Variants in LMNTD1 observed in about 807,000 individuals in gnomAD.
LMNTD1 encodes lamin tail domain containing 1.
Under a neutral mutation model 50.9 loss-of-function variants are expected in LMNTD1, and 35 were observed. The observed-to-expected ratio is 0.69, with a 90% confidence interval of 0.53 to 0.91. LMNTD1 has a LOEUF of 0.91. Among genes scored for constraint, LMNTD1 ranks in the 40% least tolerant of loss-of-function variants. The probability of loss-of-function intolerance (pLI) is 0.00; values close to 1 mark genes in which losing one functional copy is unlikely to be tolerated. For missense variants in LMNTD1, 470 were observed against 475.5 expected, an observed-to-expected ratio of 0.99 and a Z score of 0.11; for synonymous variants, 153 against 161.9, an observed-to-expected ratio of 0.94 and a Z score of 0.42.
chr12:25,643,718 G>A (rs1243033664), intron 1 of LMNTD1, among the ~76,000 whole-genome samples: 1 of 152,168 alleles, frequency 6.6e-6, no homozygotes, highest in Non-Finnish European at 1.5e-5. Context: ...ATAAAATCAA[G>A]GTTCTGATGG....
In LMNTD1 at chr12:25,634,262, A is replaced by G. The variant is rs139576846; in HGVS notation, c.58+14232T>C. On this transcript the variant is annotated intron_variant, in intron 1 of 7. Transcript: ENST00000445693. ...AATTCTACCAGACAGACCTTCAAAG[A>G]AGAATTGGTACCAATCCTATTGACA... Among the ~76,000 whole-genome samples, 618 of 152,334 alleles carry G rather than the reference A, an allele frequency of 4.1e-3. 1 individual carries two copies. The highest frequency in any genetic ancestry group is 0.014 in the African/African-American group (578 of 41,580).
intron 1 of LMNTD1, among the ~76,000 whole-genome samples, chr12:25,643,796 G>T (rs924986096): frequency 4.6e-5 from 7 of 152,148 alleles, no homozygotes; most frequent in Non-Finnish European, 8.8e-5. Context: ...GTCAATGTTT[G>T]TTATCAAGTG....
At chr12:25,640,960 C>T (rs1946949876) in intron 1 of LMNTD1, among the ~76,000 whole-genome samples, 1 of 152,198 alleles carries the variant, frequency 6.6e-6, no homozygotes, top group Non-Finnish European at 1.5e-5. Context: ...AGCCACCGTG[C>T]CCAGCCAGAA....
At chr12:25,500,821 C>A (rs1939341961) in intron 9 of LMNTD1, among the ~76,000 whole-genome samples, 3 of 151,848 alleles carry the variant, frequency 2.0e-5, no homozygotes, top group African/African-American at 7.3e-5. Context: ...AGACACTGTT[C>A]ATTAGTCACA....
At chr12:25,493,724 G>C (rs1938967120) in intron 9 of LMNTD1, among the ~76,000 whole-genome samples, 1 of 152,164 alleles carries the variant, frequency 6.6e-6, no homozygotes, top group Non-Finnish European at 1.5e-5. Flanking sequence ...ATAATAATGG[G>C]TTTAAAATGG....
Position 25,573,091 on chromosome 12 carries a change from C to T in LMNTD1, c.59-26537G>A, listed in dbSNP as rs556689883. 5.9e-5 allele frequency among the ~76,000 whole-genome samples: 9 copies of T among 152,132 alleles called. No homozygotes were observed. In the South Asian group the frequency reaches 1.5e-3, roughly 25 times the overall value. ...TTCTTGTTTTTCTCCTCTAAATTCT[C>T]GTCCAACTCCCCGACCTCCTGTCTT... On this transcript the variant is annotated intron_variant, in intron 1 of 7. Coordinates refer to the LMNTD1 transcript ENST00000445693.
intron 1 of LMNTD1, among the ~76,000 whole-genome samples, chr12:25,634,102 G>A (rs1946774371): frequency 6.6e-6 from 1 of 152,076 alleles, no homozygotes; most frequent in Admixed American, 6.6e-5. Context: ...TAAATTCTTG[G>A]AAAAATACAA....
intron 1 of LMNTD1, among the ~76,000 whole-genome samples, chr12:25,621,393 T>G (rs1001848896): frequency 6.6e-6 from 1 of 152,156 alleles, no homozygotes; most frequent in Non-Finnish European, 1.5e-5. Context: ...CCCAGCCACG[T>G]AGTTTTTAAA....
exon 1 of LMNTD1, chr12:25,648,541 G>A: frequency 6.4e-7 from 1 of 1,551,532 alleles, no homozygotes; most frequent in Non-Finnish European, 8.7e-7. Context: ...TGCTCTCACT[G>A]GCTGTTGCAT....
chr12:25,597,940 A>G (rs907304410), intron 1 of LMNTD1, among the ~76,000 whole-genome samples: 2 of 152,026 alleles, frequency 1.3e-5, no homozygotes, highest in African/African-American at 4.8e-5. Context: ...TTGTGGGAGG[A>G]GCTCAGTGGG....
intron 9 of LMNTD1, among the ~76,000 whole-genome samples, chr12:25,492,342 A>G (rs551244561): frequency 2.3e-4 from 35 of 152,368 alleles, no homozygotes; most frequent in Non-Finnish European, 3.8e-4. Flanking sequence ...CAATTTCCCT[A>G]TAGCATATTT....
At chr12:25,477,511 G>GT (rs1938308568) in intron 9 of LMNTD1, among the ~76,000 whole-genome samples, 1 of 152,164 alleles carries the variant, frequency 6.6e-6, no homozygotes, top group Non-Finnish European at 1.5e-5. Context: ...TGAAAGGTAA[G>GT]TTACTGGTTA....
intron 1 of LMNTD1, among the ~76,000 whole-genome samples, chr12:25,645,021 CAA>C (rs1947037230): frequency 6.6e-6 from 1 of 152,056 alleles, no homozygotes; most frequent in Non-Finnish European, 1.5e-5. Context: ...ATCGTCATTT[CAA>C]AGACTCAAAG....
chr12:25,507,361 G>C (rs937767033), intron 8 of LMNTD1, among the ~76,000 whole-genome samples: 1 of 152,142 alleles, frequency 6.6e-6, no homozygotes, highest in African/African-American at 2.4e-5. Flanking sequence ...GTCTGTTCTG[G>C]CTGTGATTTT....
chr12:25,644,313 C>CAAAAA (rs59091210), intron 1 of LMNTD1, among the ~76,000 whole-genome samples: 1,900 of 81,866 alleles, frequency 0.023, 86 homozygotes, highest in Non-Finnish European at 0.029. Flanking sequence ...CCTTTCTCTA[C>CAAAAA]AAAAAAAAAA....
chr12:25,614,874 T>C (rs11830770), intron 1 of LMNTD1, among the ~76,000 whole-genome samples: 3,484 of 152,302 alleles, frequency 0.023, 107 homozygotes, highest in African/African-American at 0.072. Flanking sequence ...TCTTCTTGGC[T>C]TAAAGATGGC....
At chr12:25,549,181 A>C in intron 3 of LMNTD1, 145 bp downstream of exon 3, 1 of 556,620 alleles carries the variant, frequency 1.8e-6, no homozygotes, top group East Asian at 2.9e-5. Context: ...GACCATAGTT[A>C]AGTTACTTTT....
intron 1 of LMNTD1, among the ~76,000 whole-genome samples, chr12:25,641,632 TATA>T (rs1231567149): frequency 6.6e-6 from 1 of 152,192 alleles, no homozygotes; most frequent in Non-Finnish European, 1.5e-5. Context: ...ATAAAAGTAA[TATA>T]ATAACTGCTT....
intron 1 of LMNTD1, among the ~76,000 whole-genome samples, chr12:25,584,821 C>G (rs1413493047): frequency 6.6e-6 from 1 of 152,052 alleles, no homozygotes; most frequent in Non-Finnish European, 1.5e-5. Flanking sequence ...AGACTGGGGT[C>G]TAATACTTAT....
Sources: allele counts gnomAD v4.1 joint callset (sites outside exome capture counted in the v4.1 genomes callset), GRCh38; gene constraint gnomAD v4.1.1; transcripts MANE v1.5; gene names NCBI Gene and HGNC (gene_info 2026-07-23, HGNC 2026-07-21).